The following WDPCP variants were observed in gnomAD, a reference collection of about 807,000 sequenced individuals.
The protein encoded by WDPCP is WD repeat-containing and planar cell polarity effector protein fritz homolog.
In WDPCP, 71 loss-of-function variants were observed where a neutral mutation model predicts 93.1. The ratio of observed to expected loss-of-function variants is 0.76; its 90% confidence interval spans 0.63 to 0.93. The LOEUF (loss-of-function observed/expected upper bound fraction) is 0.93, where lower values mean the gene tolerates loss of function less well. Ranked by LOEUF, WDPCP falls within the 40% of genes least tolerant of loss-of-function variation. WDPCP has a pLI of 0.00. For missense variants in WDPCP, 844 were observed against 887.4 expected, an observed-to-expected ratio of 0.95 and a Z score of 0.62; for synonymous variants, 315 against 315.0, an observed-to-expected ratio of 1.00 and a Z score of 0.00.
In WDPCP at chr2:63,120,183, TA is replaced by T. The variant is rs1443653972; in HGVS notation, c.*1822del. On this transcript the variant is annotated 3_prime_UTR_variant, in exon 18 of 18. Coordinates refer to ENST00000272321, the MANE Select transcript of WDPCP (RefSeq NM_015910.7). Reference sequence around the variant, plus strand: ...CAATCTTGACAAAACCCTATTTTTTTAAATACAATTTTTTCTCTAAAAATTA... The same window carrying T: ...CAATCTTGACAAAACCCTATTTTTTTAATACAATTTTTTCTCTAAAAATTA... Among the ~76,000 whole-genome samples the T allele has an allele frequency of 6.6e-6, 1 of 152,186 alleles. No individual in the cohort carries two copies. The highest frequency in any genetic ancestry group is 1.5e-5 in the Non-Finnish European group (1 of 68,022).
chr2:63,575,457 C>T (rs1424248254), intron 1 of WDPCP, among the ~76,000 whole-genome samples: 4 of 37,334 alleles, frequency 1.1e-4, no homozygotes, highest in African/African-American at 8.3e-4. Flanking sequence ...ACTGTATATA[C>T]AGTATATATG....
chr2:63,529,683 C>T (rs1036687837), intron 1 of WDPCP, among the ~76,000 whole-genome samples: 12 of 151,810 alleles, frequency 7.9e-5, no homozygotes, highest in Admixed American at 2.0e-4. Context: ...TCTCTTTTTT[C>T]GTTGTGTCTC....
intron 2 of WDPCP, among the ~76,000 whole-genome samples, chr2:63,787,966 G>A (rs770366423): frequency 1.3e-5 from 2 of 152,152 alleles, no homozygotes; most frequent in African/African-American, 2.4e-5. Context: ...CTTGAACTGG[G>A]AGGCGGAGGT....
At chr2:63,375,903 C>G (rs951440502) in intron 12 of WDPCP, among the ~76,000 whole-genome samples, 2 of 151,844 alleles carry the variant, frequency 1.3e-5, no homozygotes, top group African/African-American at 4.8e-5. Flanking sequence ...TGTGGGGCAA[C>G]TTTTCCTCAT....
intron 1 of WDPCP, among the ~76,000 whole-genome samples, chr2:63,816,571 C>G (rs1670935473): frequency 6.6e-6 from 1 of 152,136 alleles, no homozygotes; most frequent in Non-Finnish European, 1.5e-5. Flanking sequence ...CCACCAGAAG[C>G]TGGAAGAAGA....
chr2:63,374,820 C>T (rs895197204), intron 12 of WDPCP, among the ~76,000 whole-genome samples: 2 of 120,234 alleles, frequency 1.7e-5, no homozygotes, highest in Admixed American at 9.4e-5. Flanking sequence ...TTGCTTATCA[C>T]ATATTTACCT....
chr2:63,421,430 AACAG>A (rs1372581461), intron 9 of WDPCP, among the ~76,000 whole-genome samples: 2 of 152,198 alleles, frequency 1.3e-5, no homozygotes, highest in Non-Finnish European at 2.9e-5. Context: ...AATGGAACAG[AACAG>A]AAAGCCCAGA....
intron 6 of WDPCP, among the ~76,000 whole-genome samples, chr2:63,453,594 G>A (rs928068061): frequency 1.9e-4 from 29 of 152,128 alleles, no homozygotes; most frequent in Non-Finnish European, 3.5e-4. Context: ...CCATTACTGG[G>A]TATATACCTA....
At chr2:63,600,383 C>A (rs888018167) in intron 3 of WDPCP, among the ~76,000 whole-genome samples, 4 of 152,174 alleles carry the variant, frequency 2.6e-5, no homozygotes, top group Non-Finnish European at 4.4e-5. Flanking sequence ...TCATACAGCT[C>A]ATAAATTACG....
chr2:63,823,100 T>A (rs1017992663), intron 1 of WDPCP, among the ~76,000 whole-genome samples: 1 of 151,560 alleles, frequency 6.6e-6, no homozygotes, highest in African/African-American at 2.4e-5. Flanking sequence ...GTTTTTGTTT[T>A]TTTCCTCACT....
intron 9 of WDPCP, among the ~76,000 whole-genome samples, chr2:63,408,084 A>T (rs1013214344): frequency 4.6e-5 from 7 of 152,180 alleles, no homozygotes; most frequent in African/African-American, 1.7e-4. Flanking sequence ...GTGGAGGTGG[A>T]TGGGAGGCAG....
chr2:63,562,701 T>G (rs182371104), intron 1 of WDPCP, among the ~76,000 whole-genome samples: 1 of 152,222 alleles, frequency 6.6e-6, no homozygotes, highest in South Asian at 2.1e-4. Flanking sequence ...AGCTTTCCAA[T>G]TGAAACTTAT....
intron 13 of WDPCP, among the ~76,000 whole-genome samples, chr2:63,304,983 G>A (rs910170435): frequency 1.3e-5 from 2 of 152,094 alleles, no homozygotes; most frequent in Non-Finnish European, 2.9e-5. Context: ...CTGCCAGGAG[G>A]TTCAAAATGG....
At position 63,433,831 on chromosome 2, in the gene WDPCP, C is replaced by T. The variant is rs376249713; in HGVS notation, c.739G>A (p.Asp247Asn). The part of the protein sequence containing the change: ...RVVCWWPLVN[D>N]DAWPWAPISS... ...ATGGGGGCCCAAGGCCAAGCATCAT[C>T]GTTGACCAGTGGCCACCAGCAAACA... Residue 247 changes from aspartate (D) to asparagine (N), a missense_variant, in exon 9 of 18, where the codon GAT becomes AAT. Asp to Asn is a conservative substitution (Grantham distance 23, BLOSUM62 1). Transcript: ENST00000272321. 3.7e-5 allele frequency: 60 copies of T among 1,613,838 alleles called. No individual in the cohort carries two copies. Among genetic ancestry groups the T allele is most frequent in the African/African-American group, 6.7e-5 (5 of 74,922 alleles).
chr2:63,719,333 G>A (rs568305148), intron 2 of WDPCP, among the ~76,000 whole-genome samples: 3 of 152,262 alleles, frequency 2.0e-5, no homozygotes, highest in Admixed American at 1.3e-4. Flanking sequence ...GTGGGACAGG[G>A]CAAGCGACAG....
intron 2 of WDPCP, among the ~76,000 whole-genome samples, chr2:63,735,350 G>T (rs1228040627): frequency 6.6e-6 from 1 of 152,108 alleles, no homozygotes; most frequent in East Asian, 1.9e-4. Context: ...TGAACAGGTA[G>T]AAAGAGGGAG....
intron 3 of WDPCP, among the ~76,000 whole-genome samples, chr2:63,596,580 C>T (rs986602136): frequency 8.5e-5 from 13 of 152,140 alleles, no homozygotes; most frequent in African/African-American, 2.7e-4. Context: ...CAAATAAGGA[C>T]ATGTGACTGG....
chr2:63,434,560 T>C (rs1310182770), intron 8 of WDPCP, among the ~76,000 whole-genome samples: 2 of 152,110 alleles, frequency 1.3e-5, no homozygotes, highest in Non-Finnish European at 2.9e-5. Flanking sequence ...TTTGAAAACA[T>C]AAGCACGGCA....
intron 2 of WDPCP, among the ~76,000 whole-genome samples, chr2:63,739,033 T>C (rs892188020): frequency 3.9e-5 from 6 of 152,162 alleles, no homozygotes; most frequent in Non-Finnish European, 8.8e-5. Flanking sequence ...ATTAACATTG[T>C]TTTTTAACTT....
Sources: gnomAD v4.1 joint callset for allele counts (sites outside exome capture counted in the v4.1 genomes callset) on GRCh38, gnomAD v4.1.1 for gene constraint, MANE v1.5 for transcripts, NCBI Gene and HGNC (gene_info 2026-07-23, HGNC 2026-07-21) for gene names.